The following TTBK1 variants were observed in gnomAD, a reference collection of about 807,000 sequenced individuals.
TTBK1 encodes the protein tau-tubulin kinase 1.
A neutral mutation model predicts 108.5 loss-of-function variants in TTBK1; 34 were observed. That is an observed-to-expected ratio of 0.31 (90% confidence interval 0.24 to 0.42). The LOEUF (loss-of-function observed/expected upper bound fraction) is 0.42. Among genes scored for constraint, TTBK1 ranks in the 10% least tolerant of loss-of-function variants. The pLI is 1.00. For synonymous variants in TTBK1, 809 were observed against 795.1 expected (o/e 1.02, Z -0.29); for missense variants, 1,539 against 1,826.0 (o/e 0.84, Z 2.86).
At chr6:43,261,259 C>A (rs1469794911) in intron 12 of TTBK1, among the ~76,000 whole-genome samples, 1 of 152,158 alleles carries the variant, frequency 6.6e-6, no homozygotes, top group Non-Finnish European at 1.5e-5. Context: ...AGCCATTGAA[C>A]CACAGGCTCG....
At position 43,285,169 on chromosome 6, in the gene TTBK1, C is replaced by A. The variant is rs1231795259; in HGVS notation, c.3759C>A (p.Ser1253=). 2 of 1,400,870 alleles carry A rather than the reference C, an allele frequency of 1.4e-6. No individual in the cohort carries two copies. Among genetic ancestry groups the A allele is most frequent in the East Asian group, 6.1e-5 (2 of 32,876 alleles). The allele number at this position is 1,400,870 out of a possible 1,614,324, so 86.8% of individuals were successfully genotyped here. ...CCAGCGCGTCCCCCCGGAGCCAGTC[C>A]CTGTCCCGCAGAGAGAGCCCCTCCC... ...RNASASPRSQ[S]LSRRESPSPS... is the part of the protein sequence containing the mutation. The change falls in exon 15 of 15, where the codon TCC becomes TCA. Residue 1253 remains serine, a synonymous_variant. Coordinates refer to ENST00000259750, the MANE Select transcript of TTBK1 (RefSeq NM_032538.3). The surrounding 1 kb of genome is among the most constrained non-coding windows in gnomAD (Gnocchi z 4.7).
At chr6:43,278,282 G>A (rs1056491785) in intron 13 of TTBK1, among the ~76,000 whole-genome samples, 1 of 152,148 alleles carries the variant, frequency 6.6e-6, no homozygotes, top group African/African-American at 2.4e-5. Context: ...ACATGGACTT[G>A]GGCTGGGCTC....
intron 2 of TTBK1, chr6:43,247,900 A>T (rs1361591853): frequency 6.7e-6 from 1 of 149,440 alleles, no homozygotes; most frequent in Non-Finnish European, 1.5e-5. Flanking sequence ...GGGGTCCCCA[A>T]GGGATGAGGA....
At chr6:43,251,212 C>T (rs1448867786) in intron 2 of TTBK1, among the ~76,000 whole-genome samples, 6 of 152,190 alleles carry the variant, frequency 3.9e-5, no homozygotes, top group Non-Finnish European at 8.8e-5. Flanking sequence ...CCCTCCATCC[C>T]GCAGTGTCAA....
At position 43,283,464 on chromosome 6, in the gene TTBK1, A is replaced by T; in HGVS notation, c.2724A>T (p.Thr908=). Residue 908 remains threonine (T), a synonymous_variant, in exon 14 of 15, where the codon ACA becomes ACT. Transcript: ENST00000259750. The surrounding 1 kb of genome is among the most constrained non-coding windows in gnomAD (Gnocchi z 8.1). The stretch of plus-strand genomic sequence containing the variant: ...CTGGGGCAGGGCTGGGGGCCGGGAC[A>T]GTGACCACAGGGGTCGGGGGCGTGG... ...PGPGAGLGAG[T]VTTGVGGVAV... 3.1e-6 allele frequency: 5 copies of T among 1,614,082 alleles called. No individual in the cohort carries two copies. Among genetic ancestry groups the T allele is most frequent in the Non-Finnish European group, 4.2e-6 (5 of 1,179,980 alleles).
chr6:43,246,588 G>T lies in TTBK1; in HGVS notation c.-54-19G>T. On this transcript the variant is annotated intron_variant, in intron 1 of 14. Coordinates refer to ENST00000259750, the MANE Select transcript of TTBK1 (RefSeq NM_032538.3). ...CTGGGTCCGCAGCCCGCCCTCACAG[G>T]CCCTCCTCACTCCCCTAGGTAGATG... 8 of 1,231,776 alleles carry T rather than the reference G, an allele frequency of 6.5e-6. No homozygotes were observed. Among genetic ancestry groups the T allele is most frequent in the Non-Finnish European group, 9.1e-6 (8 of 880,852 alleles). The allele number at this position is 1,231,776 out of a possible 1,614,324, so 76.3% of individuals were successfully genotyped here. A position where few individuals can be genotyped will look rare whatever the true frequency, so the allele number is the denominator to read the frequency against.
Position 43,283,926 on chromosome 6 carries a change from G to A in TTBK1, c.3186G>A (p.Glu1062=). The change falls in exon 14 of 15, where the codon GAG becomes GAA. Residue 1062 remains glutamate, a synonymous_variant. Coordinates refer to ENST00000259750, the MANE Select transcript of TTBK1 (RefSeq NM_032538.3). The surrounding 1 kb of genome is among the most constrained non-coding windows in gnomAD (Gnocchi z 8.1). The part of the protein sequence containing the change: ...PRSRIPVLLS[E]EDTGSEPSGS... ...GCCGTATCCCTGTCCTGCTCTCTGA[G>A]GAGGACACGGGCTCGGAGCCCTCAG... 1 of 1,613,062 alleles carries A rather than the reference G, an allele frequency of 6.2e-7. No homozygotes were observed. Among genetic ancestry groups the A allele is most frequent in the Non-Finnish European group, 8.5e-7 (1 of 1,179,432 alleles).
intron 13 of TTBK1, among the ~76,000 whole-genome samples, chr6:43,278,069 G>A (rs1478995534): frequency 6.6e-6 from 1 of 152,154 alleles, no homozygotes; most frequent in African/African-American, 2.4e-5. Context: ...AGTGCCTGAA[G>A]TCTGGGGCTG....
In TTBK1 at chr6:43,259,304, T is replaced by C. The variant is rs1043029982; in HGVS notation, c.1248+35T>C. On this transcript the variant is annotated intron_variant, in intron 11 of 14. Transcript: ENST00000259750. This position sits in a 1 kb window ranked among gnomAD's most constrained non-coding sequence, Gnocchi z 6.7. ...GCCAGGGCGAAGGGCGTGGGTGGCCTTTTCTCTCACCCCCGATTCCCAGCC... is the reference window on the plus strand; with the variant it reads ...GCCAGGGCGAAGGGCGTGGGTGGCCCTTTCTCTCACCCCCGATTCCCAGCC... 1.3e-5 allele frequency: 20 copies of C among 1,488,926 alleles called. No individual in the cohort carries two copies. The Admixed American group carries it at 2.0e-4, about 15-fold the overall frequency. The allele number at this position is 1,488,926 out of a possible 1,614,324, so 92.2% of individuals were successfully genotyped here.
In TTBK1 at chr6:43,284,015, T is replaced by C; in HGVS notation, c.3275T>C (p.Leu1092Pro). 2 of 1,580,162 alleles carry C rather than the reference T, an allele frequency of 1.3e-6. No homozygotes were observed. The highest frequency in any genetic ancestry group is 1.7e-6 in the Non-Finnish European group (2 of 1,162,156). The change falls in exon 14 of 15, where the codon CTG becomes CCG. Residue 1092 changes from leucine to proline, a missense_variant. Physicochemically the swap from Leu to Pro is moderately conservative, Grantham distance 98. Around this residue, in one of 5 missense-constraint regions of TTBK1, gnomAD observed 1,055 missense variants for 1,086.5 expected, o/e 0.97. Coordinates refer to ENST00000259750, the MANE Select transcript of TTBK1 (RefSeq NM_032538.3). Reference protein sequence around the residue: ...RARPQQDLARLVMEKRQGRLL... With the variant: ...RARPQQDLARPVMEKRQGRLL... Reference sequence around the variant, plus strand: ...CGGCCGCAGCAGGACCTGGCGCGGCTGGTGATGGAGAAGAGGCAGGGCCGC... The same window carrying C: ...CGGCCGCAGCAGGACCTGGCGCGGCCGGTGATGGAGAAGAGGCAGGGCCGC...
In TTBK1 at chr6:43,253,631, T is replaced by C; in HGVS notation, c.394T>C (p.Leu132=). 1 of 1,613,762 alleles carries C rather than the reference T, an allele frequency of 6.2e-7. No homozygotes were observed. The highest frequency in any genetic ancestry group is 1.1e-5 in the South Asian group (1 of 91,050). The part of the protein sequence containing the change: ...PRGTFTLSTT[L]RLGKQILESI... ...AGGCACCTTCACGCTGAGCACCACATTGCGGCTGGGCAAGCAGATCTTGGA... is the reference window on the plus strand; with the variant it reads ...AGGCACCTTCACGCTGAGCACCACACTGCGGCTGGGCAAGCAGATCTTGGA... The change falls in exon 5 of 15, where the codon TTG becomes CTG. Residue 132 remains leucine, a synonymous_variant. Transcript: ENST00000259750. The surrounding 1 kb of genome is among the most constrained non-coding windows in gnomAD (Gnocchi z 5.8).
chr6:43,268,482 G>C (rs916982099), intron 13 of TTBK1, among the ~76,000 whole-genome samples: 3 of 152,232 alleles, frequency 2.0e-5, no homozygotes, highest in Non-Finnish European at 4.4e-5. Flanking sequence ...ACAGCAGCAA[G>C]GGATGCTGGG....
Position 43,284,124 on chromosome 6 carries a change from C to A in TTBK1, c.3384C>A (p.Gly1128=). 6.5e-7 allele frequency: 1 copy of A among 1,540,436 alleles called. No individual in the cohort carries two copies. Among genetic ancestry groups the A allele is most frequent in the Non-Finnish European group, 8.7e-7 (1 of 1,148,196 alleles). ...CCTCTGAGACCCTCTCAGGCACGGG[C>A]TCTGAGGAGGACACGCCCGCCTCTG... ...RRASETLSGT[G]SEEDTPASEP... Residue 1128 remains glycine (G), a synonymous_variant, in exon 14 of 15, where the codon GGC becomes GGA. Coordinates refer to ENST00000259750, the MANE Select transcript of TTBK1 (RefSeq NM_032538.3).
chr6:43,269,947 C>T lies in TTBK1; in HGVS notation c.1986+6597C>T. 1 of 1,450,044 alleles carries T rather than the reference C, an allele frequency of 6.9e-7. No homozygotes were observed. The highest frequency in any genetic ancestry group is 1.4e-5 in the South Asian group (1 of 70,172). The allele number at this position is 1,450,044 out of a possible 1,614,324, so 89.8% of individuals were successfully genotyped here. On this transcript the variant is annotated intron_variant, in intron 13 of 14. Coordinates refer to ENST00000259750, the MANE Select transcript of TTBK1 (RefSeq NM_032538.3). This position sits in a 1 kb window ranked among gnomAD's most constrained non-coding sequence, Gnocchi z 4.8. ...GTGTGGGCCCGGTTCACCCACAAGA[C>T]CTAGGCTGGGCCCCCCCCCTCCTGG...
rs751837086 is a variant in TTBK1 at position 43,282,964 on chromosome 6, G to A, written c.2224G>A (p.Glu742Lys). ...KEEEEEEEED[E>K]EEEEEDEEEE... ...GGAAGAGGAGGAGGAGGAGGAAGAT[G>A]AGGAAGAGGAAGAAGAGGATGAGGA... The change falls in exon 14 of 15, where the codon GAG (glutamate) becomes AAG (lysine). Residue 742 changes from glutamate to lysine, a missense_variant. This residue lies in a region of TTBK1 where 1,055 missense variants were observed against 1,086.5 expected (regional missense o/e 0.97). Coordinates refer to ENST00000259750, the MANE Select transcript of TTBK1 (RefSeq NM_032538.3). This position sits in a 1 kb window ranked among gnomAD's most constrained non-coding sequence, Gnocchi z 5.4. 6.2e-7 allele frequency: 1 copy of A among 1,606,930 alleles called. No homozygotes were observed. The highest frequency in any genetic ancestry group is 8.5e-7 in the Non-Finnish European group (1 of 1,175,548).
rs1043906383 is a variant in TTBK1 at position 43,285,097 on chromosome 6, G to T, written c.3687G>T (p.Ala1229=). ...GRAQAGARPP[A]PRSPRLPAST... ...CCCAAGCCGGAGCCAGGCCCCCAGC[G>T]CCGCGCAGCCCGCGCCTCCCCGCGT... The change falls in exon 15 of 15, where the codon GCG becomes GCT. Residue 1229 remains alanine, a synonymous_variant. Coordinates refer to ENST00000259750, the MANE Select transcript of TTBK1 (RefSeq NM_032538.3). This position sits in a 1 kb window ranked among gnomAD's most constrained non-coding sequence, Gnocchi z 4.7. 5 of 1,480,454 alleles carry T rather than the reference G, an allele frequency of 3.4e-6. No individual in the cohort carries two copies. Among genetic ancestry groups the T allele is most frequent in the African/African-American group, 1.5e-5 (1 of 68,062 alleles). The allele number at this position is 1,480,454 out of a possible 1,614,324, so 91.7% of individuals were successfully genotyped here. A position where few individuals can be genotyped will look rare whatever the true frequency, so the allele number is the denominator to read the frequency against.
intron 1 of TTBK1, among the ~76,000 whole-genome samples, chr6:43,244,704 G>C (rs1284302752): frequency 6.6e-6 from 1 of 152,148 alleles, no homozygotes; most frequent in African/African-American, 2.4e-5. Flanking sequence ...TCTATAAAAT[G>C]AGAGCAGGAC....
intron 13 of TTBK1, among the ~76,000 whole-genome samples, chr6:43,280,904 C>T (rs76888701): frequency 0.03 from 4,612 of 152,252 alleles, 147 homozygotes; most frequent in African/African-American, 0.084. Flanking sequence ...GTGGAGGAAA[C>T]TGCCTGGGCT....
intron 13 of TTBK1, chr6:43,271,791 A>ATTTATTTATTTT (rs1471469372): frequency 1.0e-6 from 1 of 981,840 alleles, no homozygotes; most frequent in Non-Finnish European, 1.2e-6. Flanking sequence ...TTATTTATTT[A>ATTTATTTATTTT]TTTTTGAGGA....
Sources: gnomAD v4.1 joint callset for allele counts (sites outside exome capture counted in the v4.1 genomes callset) on GRCh38, gnomAD v4.1.1 for gene constraint, gnomAD v4.1.1 regional missense constraint, Gnocchi (gnomAD v3.1) non-coding constraint, MANE v1.5 for transcripts, NCBI Gene and HGNC (gene_info 2026-07-23, HGNC 2026-07-21) for gene names.